The following DOK6 variants were observed in gnomAD, a reference collection of about 807,000 sequenced individuals.
DOK6 encodes downstream of tyrosine kinase 6.
In DOK6, 22 loss-of-function variants were observed where a neutral mutation model predicts 44.0. The ratio of observed to expected loss-of-function variants is 0.50; its 90% CI spans 0.36 to 0.71. The LOEUF (loss-of-function observed/expected upper bound fraction) is 0.71. Ranked by LOEUF, DOK6 falls within the 30% of genes least tolerant of loss-of-function variation. DOK6 has a pLI of 0.00. For missense variants in DOK6, 340 were observed against 416.4 expected (o/e 0.82, Z 1.60); for synonymous variants, 166 against 145.5 (o/e 1.14, Z -1.01).
At chr18:69,654,653 A>C (rs1461512009) in intron 3 of DOK6, among the ~76,000 whole-genome samples, 1 of 152,260 alleles carries the variant, frequency 6.6e-6, no homozygotes, top group Non-Finnish European at 1.5e-5. Flanking sequence ...AACTACTTGC[A>C]TAATAAAAGA....
chr18:69,712,045 G>T (rs1222622390), intron 5 of DOK6, among the ~76,000 whole-genome samples: 7 of 151,590 alleles, frequency 4.6e-5, no homozygotes, highest in African/African-American at 1.7e-4. Context: ...ACTTTGGGAG[G>T]CCGAGGCGGG....
chr18:69,558,873 T>C (rs190044224), intron 1 of DOK6, among the ~76,000 whole-genome samples: 5 of 152,234 alleles, frequency 3.3e-5, no homozygotes, highest in Admixed American at 2.6e-4. Flanking sequence ...AGTGCATTCA[T>C]TTTGAAAATG....
At chr18:69,512,474 G>C (rs528511858) in intron 1 of DOK6, among the ~76,000 whole-genome samples, 5 of 151,550 alleles carry the variant, frequency 3.3e-5, no homozygotes, top group African/African-American at 1.2e-4. Context: ...CTCCTGAATA[G>C]CTGGGACTAC....
rs565613054 is a variant in DOK6 at position 69,770,397 on chromosome 18, T to C, written c.856+12524T>C. ...AGTTTAAGCAGAGAGAAAGAAAACA[T>C]GTATAATCTCTACCCTTCTGCCCAA... On this transcript the variant is annotated intron_variant, in intron 7 of 7. Coordinates refer to ENST00000382713, the MANE Select transcript of DOK6 (RefSeq NM_152721.6). Among the ~76,000 whole-genome samples the C allele has an allele frequency of 3.3e-5, 5 of 152,200 alleles. 1 individual carries two copies. In the South Asian group the frequency reaches 1.0e-3, roughly 32 times the overall value.
intron 3 of DOK6, among the ~76,000 whole-genome samples, chr18:69,647,009 A>G (rs1985091422): frequency 6.8e-6 from 1 of 148,094 alleles, no homozygotes; most frequent in African/African-American, 2.5e-5. Flanking sequence ...TATCTAATCT[A>G]TCTACTCTAT....
At chr18:69,825,585 C>G (rs1981718581) in intron 7 of DOK6, among the ~76,000 whole-genome samples, 1 of 151,796 alleles carries the variant, frequency 6.6e-6, no homozygotes, top group Non-Finnish European at 1.5e-5. Context: ...AGGTGCCCAC[C>G]ACCACGCCCG....
intron 7 of DOK6, among the ~76,000 whole-genome samples, chr18:69,830,831 T>C (rs1220307522): frequency 6.6e-6 from 1 of 152,164 alleles, no homozygotes; most frequent in Non-Finnish European, 1.5e-5. Flanking sequence ...AAGGAGAACA[T>C]GTTCAGGGCA....
At chr18:69,717,002 A>G (rs935329671) in intron 5 of DOK6, among the ~76,000 whole-genome samples, 2 of 152,206 alleles carry the variant, frequency 1.3e-5, no homozygotes, top group Non-Finnish European at 2.9e-5. Flanking sequence ...GGTATTTCAC[A>G]TATAGGAGTT....
At chr18:69,766,131 G>T (rs1979705966) in intron 7 of DOK6, among the ~76,000 whole-genome samples, 1 of 152,208 alleles carries the variant, frequency 6.6e-6, no homozygotes, top group Non-Finnish European at 1.5e-5. Flanking sequence ...CATGGATGTA[G>T]CTGGAGGCTA....
At chr18:69,448,028 T>C (rs1404258779) in intron 1 of DOK6, among the ~76,000 whole-genome samples, 1 of 152,152 alleles carries the variant, frequency 6.6e-6, no homozygotes, top group Non-Finnish European at 1.5e-5. Flanking sequence ...CCACAGTTCT[T>C]TGATAATAGC....
At chr18:69,492,234 C>T (rs1192012641) in intron 1 of DOK6, among the ~76,000 whole-genome samples, 4 of 152,078 alleles carry the variant, frequency 2.6e-5, no homozygotes, top group African/African-American at 9.7e-5. Context: ...CAAAGTGTCA[C>T]ACAATTAATT....
At chr18:69,423,447 G>C (rs372208443) in intron 1 of DOK6, among the ~76,000 whole-genome samples, 1 of 152,102 alleles carries the variant, frequency 6.6e-6, no homozygotes, top group African/African-American at 2.4e-5. Context: ...CACTTCAACC[G>C]TTGTATTGTC....
chr18:69,610,236 A>G (rs978453638), intron 3 of DOK6, among the ~76,000 whole-genome samples: 1 of 152,184 alleles, frequency 6.6e-6, no homozygotes, highest in African/African-American at 2.4e-5. Flanking sequence ...AAATGTAGGT[A>G]AAAGTATATT....
intron 1 of DOK6, among the ~76,000 whole-genome samples, chr18:69,517,258 A>G (rs942321541): frequency 6.6e-6 from 1 of 152,186 alleles, no homozygotes; most frequent in Admixed American, 6.5e-5. Context: ...TTCACTGTCT[A>G]AATATAATGG....
chr18:69,407,440 T>C (rs1158834500), intron 1 of DOK6, among the ~76,000 whole-genome samples: 1 of 152,246 alleles, frequency 6.6e-6, no homozygotes, highest in Admixed American at 6.5e-5. Context: ...GCCTCGGTTT[T>C]ATTACTTGTG....
chr18:69,710,575 G>A (rs1986733289), intron 5 of DOK6, among the ~76,000 whole-genome samples: 1 of 152,080 alleles, frequency 6.6e-6, no homozygotes, highest in African/African-American at 2.4e-5. Flanking sequence ...CTAATAGATG[G>A]GAAAACATAT....
intron 1 of DOK6, among the ~76,000 whole-genome samples, chr18:69,540,681 C>T (rs867323091): frequency 5.3e-5 from 8 of 152,064 alleles, no homozygotes; most frequent in Non-Finnish European, 7.4e-5. Flanking sequence ...TCAATGATTA[C>T]GGTATGTATA....
chr18:69,485,591 T>C (rs1259902730), intron 1 of DOK6, among the ~76,000 whole-genome samples: 2 of 152,162 alleles, frequency 1.3e-5, no homozygotes, highest in Non-Finnish European at 2.9e-5. Context: ...CATTTTGTTC[T>C]AAGATCCTTC....
chr18:69,486,122 CATT>C (rs973235611), intron 1 of DOK6, among the ~76,000 whole-genome samples: 7 of 151,636 alleles, frequency 4.6e-5, no homozygotes, highest in Non-Finnish European at 1.0e-4. Flanking sequence ...TATAATGTAA[CATT>C]ATTATACTCA....
Sources: gnomAD v4.1 joint callset for allele counts (sites outside exome capture counted in the v4.1 genomes callset) on GRCh38, gnomAD v4.1.1 for gene constraint, MANE v1.5 for transcripts, NCBI Gene and HGNC (gene_info 2026-07-23, HGNC 2026-07-21) for gene names.